The following GTF2H1 variants were observed in gnomAD, a reference collection of about 807,000 sequenced individuals.
GTF2H1 encodes general transcription factor IIH subunit 1, also known as BTF2 p62.
A neutral mutation model predicts 71.2 loss-of-function variants in GTF2H1; 16 were observed. The observed-to-expected ratio is 0.22, with a 90% CI of 0.15 to 0.34. The LOEUF (loss-of-function observed/expected upper bound fraction) is 0.34. Among genes scored for constraint, GTF2H1 ranks in the 10% least tolerant of loss-of-function variants. The pLI is 1.00. For synonymous variants in GTF2H1, 215 were observed against 219.0 expected (o/e 0.98, Z 0.16); for missense variants, 498 against 648.2 (o/e 0.77, Z 2.52).
intron 11 of GTF2H1, among the ~76,000 whole-genome samples, chr11:18,354,882 C>A (rs569658112): frequency 1.2e-4 from 18 of 152,034 alleles, no homozygotes; most frequent in Non-Finnish European, 2.2e-4. Flanking sequence ...GATCTCGGCC[C>A]ACTGCAACCT....
chr11:18,331,155 C>G (rs1218806443), intron 1 of GTF2H1, among the ~76,000 whole-genome samples: 1 of 152,120 alleles, frequency 6.6e-6, no homozygotes, highest in Non-Finnish European at 1.5e-5. Context: ...TCAAGCGATT[C>G]TCCTGATTCT....
rs376895774 is a variant in GTF2H1 at position 18,351,221 on chromosome 11, C to T, written c.1054-660C>T. On this transcript the variant is annotated intron_variant, in intron 9 of 14. Coordinates refer to ENST00000265963, the MANE Select transcript of GTF2H1 (RefSeq NM_005316.4). ...GTTTGGCTGGGGAGGTGGTGATATG[C>T]GCCTAGAAAAAAAAAATTTTTTAAG... is the stretch of plus-strand genomic sequence containing the variant. 7.0e-5 allele frequency among the ~76,000 whole-genome samples: 10 copies of T among 143,284 alleles called. No homozygotes were observed. In the East Asian group the frequency reaches 1.2e-3, roughly 17 times the overall value. The allele number at this position is 143,284 out of a possible 152,430, so 94.0% of individuals were successfully genotyped here.
intron 9 of GTF2H1, 113 bp from the exon 10 acceptor site, chr11:18,351,768 C>T (rs1865431437): frequency 3.3e-6 from 2 of 602,884 alleles, no homozygotes; most frequent in South Asian, 4.5e-5. Context: ...AAGAGAAGCT[C>T]ATGGTGGGAA....
rs185998479 is a variant in GTF2H1, at chr11:18,323,720, A to G, written c.-16+980A>G. Reference sequence around the variant, plus strand: ...TCTGGAACCCAATATATAAAGCAGCATGCTCTGGTGGAACTAAATTTAAAA... The same window carrying G: ...TCTGGAACCCAATATATAAAGCAGCGTGCTCTGGTGGAACTAAATTTAAAA... On this transcript the variant is annotated intron_variant, in intron 1 of 14. Transcript: ENST00000265963. 4.6e-5 allele frequency among the ~76,000 whole-genome samples: 7 copies of G among 152,336 alleles called. No homozygotes were observed. In the East Asian group the frequency reaches 1.2e-3, roughly 25 times the overall value.
At position 18,338,844 on chromosome 11, in the gene GTF2H1, C is replaced by T. The variant is rs567120440; in HGVS notation, c.513+570C>T. Among the ~76,000 whole-genome samples, 174 of 152,274 alleles carry T rather than the reference C, an allele frequency of 1.1e-3. 2 individuals carry two copies. Among genetic ancestry groups the T allele is most frequent in the Non-Finnish European group, 1.7e-3 (116 of 68,034 alleles). On this transcript the variant is annotated intron_variant, in intron 4 of 14. Transcript: ENST00000265963. The stretch of plus-strand genomic sequence containing the variant: ...TCTTGGCCTTTGGACTTGACCCTAG[C>T]ATGCTGGTAGTCAAATGGAATTTGA...
At position 18,358,117 on chromosome 11, in the gene GTF2H1, T is replaced by A. The variant is rs532700565; in HGVS notation, c.1351+75T>A. 17 of 915,906 alleles carry A rather than the reference T, an allele frequency of 1.9e-5. No individual in the cohort carries two copies. The Admixed American group carries it at 2.6e-4, about 14-fold the overall frequency. 56.7% of individuals were successfully genotyped at this position (915,906 alleles called of 1,614,324 possible). On this transcript the variant is annotated intron_variant, in intron 12 of 14. Coordinates refer to ENST00000265963, the MANE Select transcript of GTF2H1 (RefSeq NM_005316.4). ...AAGCAAGCTGGGAGGAGTGCTGAACTTTTATTGGTTTTTCCTTGGAATAAT... is the reference window on the plus strand; with the variant it reads ...AAGCAAGCTGGGAGGAGTGCTGAACATTTATTGGTTTTTCCTTGGAATAAT...
chr11:18,333,415 G>A, intron 2 of GTF2H1, 187 bp downstream of exon 2: 1 of 427,474 alleles, frequency 2.3e-6, no homozygotes, highest in Admixed American at 4.1e-5. Flanking sequence ...AACAGGTACA[G>A]GTTTACATAT....
At chr11:18,354,315 G>GT (rs1399169232) in intron 11 of GTF2H1, among the ~76,000 whole-genome samples, 1 of 152,128 alleles carries the variant, frequency 6.6e-6, no homozygotes, top group Non-Finnish European at 1.5e-5. Context: ...TATTTGCCTG[G>GT]TTTCTCCACC....
At chr11:18,352,157 G>C in intron 10 of GTF2H1, 172 bp from the exon 11 acceptor site, 1 of 626,542 alleles carries the variant, frequency 1.6e-6, no homozygotes, top group Non-Finnish European at 2.9e-6. Context: ...GGATCTTTCT[G>C]CTGTTGCTTT....
Position 18,333,078 on chromosome 11 carries a change from G to T in GTF2H1, c.4G>T (p.Ala2Ser). 6.2e-7 allele frequency: 1 copy of T among 1,609,476 alleles called. No individual in the cohort carries two copies. M[A>S]TSSEEVLLIV... ...CTCTTAGCACCTTCTAGCCACCATGGCAACCTCATCTGAAGAAGTTTTGCT... is the reference window on the plus strand; with the variant it reads ...CTCTTAGCACCTTCTAGCCACCATGTCAACCTCATCTGAAGAAGTTTTGCT... The change falls in exon 2 of 15, where the codon GCA (alanine) becomes TCA (serine). Residue 2 changes from alanine (A) to serine (S), a missense_variant. Coordinates refer to ENST00000265963, the MANE Select transcript of GTF2H1 (RefSeq NM_005316.4).
At chr11:18,340,374 G>T (rs778196585) in intron 5 of GTF2H1, among the ~76,000 whole-genome samples, 3 of 151,600 alleles carry the variant, frequency 2.0e-5, no homozygotes, top group Admixed American at 2.0e-4. Context: ...TGCAACCTCC[G>T]CCTCCCAGGC....
chr11:18,347,668 A>AAAT lies in GTF2H1; in HGVS notation c.918_919insAAT (p.Arg306_Phe307insAsn). 6.2e-7 allele frequency: 1 copy of AAAT among 1,613,424 alleles called. No homozygotes were observed. On this transcript the variant is annotated inframe_insertion, in exon 8 of 15. Coordinates refer to ENST00000265963, the MANE Select transcript of GTF2H1 (RefSeq NM_005316.4). ...ATAGTAATGCTGCCATCATCAAGAG[A>AAAT]TTTAACCATCACAGTGCCATGGTCC...
At chr11:18,343,805 C>T (rs1471712062) in intron 7 of GTF2H1, among the ~76,000 whole-genome samples, 1 of 152,120 alleles carries the variant, frequency 6.6e-6, no homozygotes, top group African/African-American at 2.4e-5. Flanking sequence ...TTGCTCAAGC[C>T]AAAAACCTGG....
chr11:18,338,159 T>C lies in GTF2H1; in HGVS notation c.398T>C (p.Val133Ala). ...VLFQLYKDLV[V>A]SQVISAEEFW... ...TTTCAGCTTTATAAAGACCTTGTTG[T>C]GAGTCAAGTGATCAGTGCTGAGGAA... The change falls in exon 4 of 15, where the codon GTG becomes GCG. Residue 133 changes from valine to alanine, a missense_variant. Coordinates refer to ENST00000265963, the MANE Select transcript of GTF2H1 (RefSeq NM_005316.4). The C allele has an allele frequency of 6.2e-7, 1 of 1,610,622 alleles. No homozygotes were observed. Among genetic ancestry groups the C allele is most frequent in the African/African-American group, 1.3e-5 (1 of 74,964 alleles).
At position 18,341,416 on chromosome 11, in the gene GTF2H1, T is replaced by G; in HGVS notation, c.757+6T>G. On this transcript the variant is annotated splice_donor_region_variant and intron_variant, in intron 6 of 14. Coordinates refer to ENST00000265963, the MANE Select transcript of GTF2H1 (RefSeq NM_005316.4). The stretch of plus-strand genomic sequence containing the variant: ...TGCCAAAATAGATGAAAAAGGTAAC[T>G]GTTTATCTCTGATAGACACTGGTAT... 6.2e-7 allele frequency: 1 copy of G among 1,613,636 alleles called. No homozygotes were observed. The highest frequency in any genetic ancestry group is 8.5e-7 in the Non-Finnish European group (1 of 1,179,800).
intron 2 of GTF2H1, chr11:18,333,448 A>C: frequency 2.8e-6 from 1 of 353,404 alleles, no homozygotes; most frequent in South Asian, 6.2e-5. Flanking sequence ...TACCTGACAT[A>C]TAGATCTCCA....
chr11:18,341,336 A>G lies in GTF2H1; in HGVS notation c.683A>G (p.His228Arg), dbSNP rs1010372512. 1 of 1,613,902 alleles carries G rather than the reference A, an allele frequency of 6.2e-7. No homozygotes were observed. Among genetic ancestry groups the G allele is most frequent in the African/African-American group, 1.3e-5 (1 of 75,038 alleles). ...TTCTGGACACGTTTTTTCCAGTCCC[A>G]TTATTTTCACAGGGATCGGCTGAAT... ...KEFWTRFFQSHYFHRDRLNTG... is the reference protein window; with the variant it reads ...KEFWTRFFQSRYFHRDRLNTG... The change falls in exon 6 of 15, where the codon CAT becomes CGT. Residue 228 changes from histidine to arginine, a missense_variant. By Grantham distance (29) the His-to-Arg change is conservative (BLOSUM62 0). Transcript: ENST00000265963.
chr11:18,365,123 A>G (rs975926774), intron 14 of GTF2H1, among the ~76,000 whole-genome samples: 1 of 151,824 alleles, frequency 6.6e-6, no homozygotes, highest in Non-Finnish European at 1.5e-5. Flanking sequence ...CAGGCCTGTA[A>G]TCCCAGCACT....
intron 9 of GTF2H1, among the ~76,000 whole-genome samples, chr11:18,349,467 G>A (rs1276863331): frequency 6.6e-6 from 1 of 152,154 alleles, no homozygotes; most frequent in Non-Finnish European, 1.5e-5. Flanking sequence ...TGGATCACTT[G>A]AGGTCAGAAT....
Sources: allele counts gnomAD v4.1 joint callset (sites outside exome capture counted in the v4.1 genomes callset), GRCh38; gene constraint gnomAD v4.1.1; transcripts MANE v1.5; gene names NCBI Gene and HGNC (gene_info 2026-07-23, HGNC 2026-07-21).